MPPED2: variants seen among roughly 807,000 people sequenced by gnomAD.
MPPED2 encodes metallophosphoesterase MPPED2.
Under a neutral mutation model 33.0 loss-of-function variants are expected in MPPED2, and 5 were observed. That is an observed-to-expected ratio of 0.15 (90% CI 0.08 to 0.32). The LOEUF is 0.32. Among genes scored for constraint, MPPED2 ranks in the 10% least tolerant of loss-of-function variants. The pLI, the probability that MPPED2 is intolerant of heterozygous loss-of-function variation, is 1.00. For synonymous variants in MPPED2, 136 were observed against 141.9 expected, an observed-to-expected ratio of 0.96 and a Z score of 0.29; for missense variants, 275 against 372.1, an observed-to-expected ratio of 0.74 and a Z score of 2.15.
intron 6 of MPPED2, among the ~76,000 whole-genome samples, chr11:30,405,048 G>C (rs1309248828): frequency 6.6e-6 from 1 of 152,136 alleles, no homozygotes; most frequent in Admixed American, 6.5e-5. Context: ...AGCACCAAAG[G>C]GGGGTGTTCT....
chr11:30,518,233 G>A (rs909858793), intron 3 of MPPED2, among the ~76,000 whole-genome samples: 3 of 152,124 alleles, frequency 2.0e-5, no homozygotes, highest in Non-Finnish European at 4.4e-5. Context: ...TGCCCAACAT[G>A]CACCCACTAA....
chr11:30,512,519 G>A (rs1054325686), intron 3 of MPPED2, among the ~76,000 whole-genome samples: 2 of 152,158 alleles, frequency 1.3e-5, no homozygotes, highest in Non-Finnish European at 2.9e-5. Flanking sequence ...TCTTGTTGTG[G>A]GGGGAAGGAG....
At chr11:30,545,448 A>C (rs778628377) in intron 2 of MPPED2, among the ~76,000 whole-genome samples, 5 of 152,186 alleles carry the variant, frequency 3.3e-5, no homozygotes, top group Non-Finnish European at 7.3e-5. Flanking sequence ...AATGAACTAC[A>C]ACATCCTACA....
At chr11:30,449,895 T>A (rs1253601041) in intron 4 of MPPED2, among the ~76,000 whole-genome samples, 1 of 152,224 alleles carries the variant, frequency 6.6e-6, no homozygotes, top group East Asian at 1.9e-4. Context: ...GTTCTCACAA[T>A]TCATCTGCCC....
At chr11:30,542,438 A>AC (rs1198760015) in intron 2 of MPPED2, among the ~76,000 whole-genome samples, 1 of 136,468 alleles carries the variant, frequency 7.3e-6, no homozygotes. Context: ...ACATGGCGAG[A>AC]CCCCATCTCA....
chr11:30,550,756 T>G (rs1955668565), intron 2 of MPPED2, among the ~76,000 whole-genome samples: 2 of 152,142 alleles, frequency 1.3e-5, no homozygotes, highest in Non-Finnish European at 2.9e-5. Context: ...CCAGGTCCAG[T>G]TCAGGCCCCT....
At chr11:30,543,095 CA>C (rs1398598035) in intron 2 of MPPED2, among the ~76,000 whole-genome samples, 2 of 151,708 alleles carry the variant, frequency 1.3e-5, no homozygotes, top group South Asian at 4.2e-4. Context: ...CTAAGTTTAC[CA>C]AAAAAATAAA....
chr11:30,542,222 T>C (rs189200328), intron 2 of MPPED2, among the ~76,000 whole-genome samples: 3 of 152,246 alleles, frequency 2.0e-5, no homozygotes, highest in Admixed American at 2.0e-4. Flanking sequence ...TTAATAGTTT[T>C]TACAGAAATA....
chr11:30,530,087 T>C (rs1379566926), intron 3 of MPPED2, among the ~76,000 whole-genome samples: 5 of 152,174 alleles, frequency 3.3e-5, no homozygotes, highest in Non-Finnish European at 5.9e-5. Context: ...ACTGAAAGAA[T>C]AGACCACCCA....
At chr11:30,434,837 G>A (rs1441036078) in intron 4 of MPPED2, among the ~76,000 whole-genome samples, 1 of 147,842 alleles carries the variant, frequency 6.8e-6, no homozygotes, top group East Asian at 1.9e-4. Flanking sequence ...AACTCTGGAA[G>A]ATATAAAGTG....
chr11:30,456,790 G>A (rs533782505), intron 4 of MPPED2, among the ~76,000 whole-genome samples: 28 of 152,222 alleles, frequency 1.8e-4, no homozygotes, highest in Admixed American at 3.3e-4. Context: ...GTGCCATAAT[G>A]GTTTCATATA....
At chr11:30,543,330 T>C (rs1052288389) in intron 2 of MPPED2, among the ~76,000 whole-genome samples, 7 of 152,194 alleles carry the variant, frequency 4.6e-5, no homozygotes, top group Non-Finnish European at 7.3e-5. Context: ...TCCAGTGGCT[T>C]TTGTGTTCTT....
At position 30,573,846 on chromosome 11, in the gene MPPED2, A is replaced by C. The variant is rs1222203998; in HGVS notation, c.128+6400T>G. 2.6e-5 allele frequency among the ~76,000 whole-genome samples: 4 copies of C among 152,318 alleles called. No individual in the cohort carries two copies. In the East Asian group the frequency reaches 7.7e-4, roughly 29 times the overall value. ...CCCACCATGTCTTAATTTTTAACAA[A>C]AAGCTTAAAAAGCAAAAAAATAAAA... On this transcript the variant is annotated intron_variant, in intron 2 of 6. Coordinates refer to ENST00000358117, the MANE Select transcript of MPPED2 (RefSeq NM_001584.3).
Position 30,458,969 on chromosome 11 carries a change from A to G in MPPED2, c.536+36327T>C, listed in dbSNP as rs1312091814. Among the ~76,000 whole-genome samples, 10 of 110,644 alleles carry G rather than the reference A, an allele frequency of 9.0e-5. No individual in the cohort carries two copies. In the South Asian group the frequency reaches 3.2e-3, roughly 35 times the overall value. 72.6% of individuals were successfully genotyped at this position (110,644 alleles called of 152,430 possible). On this transcript the variant is annotated intron_variant, in intron 4 of 6. Coordinates refer to ENST00000358117, the MANE Select transcript of MPPED2 (RefSeq NM_001584.3). ...GAGACGGAGTCTCGCTCTGTCGCCC[A>G]GGCTGGAGTGCAGTGGCGGGATCTC... is the stretch of plus-strand genomic sequence containing the variant.
At chr11:30,457,030 T>G (rs978267501) in intron 4 of MPPED2, among the ~76,000 whole-genome samples, 2 of 152,188 alleles carry the variant, frequency 1.3e-5, no homozygotes, top group East Asian at 1.9e-4. Context: ...AAAATTCCAT[T>G]CCTGGTGGGG....
chr11:30,481,645 G>C (rs1565110925), intron 4 of MPPED2, among the ~76,000 whole-genome samples: 2 of 152,064 alleles, frequency 1.3e-5, no homozygotes, highest in Non-Finnish European at 2.9e-5. Flanking sequence ...GTAGGCACCA[G>C]GCTTTCCTTG....
intron 2 of MPPED2, among the ~76,000 whole-genome samples, chr11:30,562,821 C>T (rs1230530761): frequency 6.6e-6 from 1 of 152,066 alleles, no homozygotes; most frequent in Admixed American, 6.6e-5. Flanking sequence ...CTTTAAGAAC[C>T]TTGATATTCT....
chr11:30,507,357 C>G (rs1952889004), intron 3 of MPPED2, among the ~76,000 whole-genome samples: 1 of 152,214 alleles, frequency 6.6e-6, no homozygotes. Flanking sequence ...ATAATCTAAT[C>G]CACTCTACAG....
At chr11:30,498,331 T>A (rs1399585520) in intron 3 of MPPED2, among the ~76,000 whole-genome samples, 1 of 152,082 alleles carries the variant, frequency 6.6e-6, no homozygotes, top group Non-Finnish European at 1.5e-5. Flanking sequence ...ACACCCGGAA[T>A]CCCAGCACTT....
Sources: allele counts gnomAD v4.1 joint callset (sites outside exome capture counted in the v4.1 genomes callset), GRCh38; gene constraint gnomAD v4.1.1; transcripts MANE v1.5; gene names NCBI Gene and HGNC (gene_info 2026-07-23, HGNC 2026-07-21).